The following SNX7 variants were observed in gnomAD, a reference collection of about 807,000 sequenced individuals.
SNX7 encodes the protein sorting nexin-7.
Under a neutral mutation model 48.4 loss-of-function variants are expected in SNX7, and 35 were observed. The ratio of observed to expected loss-of-function variants is 0.72; its 90% CI spans 0.55 to 0.96. The LOEUF (loss-of-function observed/expected upper bound fraction) is 0.96. SNX7 is among the 40% of genes least tolerant of loss of function. SNX7 has a pLI of 0.00. For missense variants in SNX7, 553 were observed against 548.9 expected (o/e 1.01, Z -0.07); for synonymous variants, 190 against 190.2 (o/e 1.00, Z 0.01).
rs1195523657 is a variant in SNX7 at position 98,701,885 on chromosome 1, A to G, written c.1107A>G (p.Lys369=). 6.2e-7 allele frequency: 1 copy of G among 1,610,688 alleles called. No individual in the cohort carries two copies. Among genetic ancestry groups the G allele is most frequent in the East Asian group, 2.2e-5 (1 of 44,642 alleles). Residue 369 remains lysine, a synonymous_variant, in exon 7 of 9, where the codon AAA becomes AAG. Coordinates refer to ENST00000306121, the MANE Select transcript of SNX7 (RefSeq NM_015976.5). ...LDSKVEVLTY[K]KADTDLLPEE... is the part of the protein sequence containing the mutation. ...CCAAAGTTGAAGTTTTGACCTATAA[A>G]AAGGCAGATACTGATCTGGTAAGTT...
In SNX7 at chr1:98,711,238, G is replaced by A. The variant is rs114446936; in HGVS notation, c.1125+9335G>A. ...CGCCATGTTGGCCGGGCTGGATCTC[G>A]AACTCCTGACCTCAAGTGATCCGCC... is the stretch of plus-strand genomic sequence containing the variant. On this transcript the variant is annotated intron_variant, in intron 7 of 8. Transcript: ENST00000306121. Among the ~76,000 whole-genome samples, 555 of 152,140 alleles carry A rather than the reference G, an allele frequency of 3.6e-3. 5 individuals carry two copies. Among genetic ancestry groups the A allele is most frequent in the African/African-American group, 0.012 (518 of 41,512 alleles).
chr1:98,737,672 G>A (rs1653855754), intron 7 of SNX7, among the ~76,000 whole-genome samples: 1 of 152,116 alleles, frequency 6.6e-6, no homozygotes, highest in Admixed American at 6.6e-5. Context: ...TCTAGGATTT[G>A]GGCATCTTGA....
chr1:98,701,786 G>A (rs1466507556), intron 6 of SNX7, 31 bp from the exon 7 acceptor site: 4 of 1,445,454 alleles, frequency 2.8e-6, no homozygotes, highest in Non-Finnish European at 2.9e-6. Flanking sequence ...ACTAAGTACA[G>A]CCTATTTTAT....
intron 7 of SNX7, among the ~76,000 whole-genome samples, chr1:98,703,095 A>G (rs913267253): frequency 4.6e-5 from 7 of 151,902 alleles, no homozygotes; most frequent in Non-Finnish European, 7.4e-5. Context: ...GAAACTCCTT[A>G]AGGGCAGATT....
intron 7 of SNX7, among the ~76,000 whole-genome samples, chr1:98,712,119 C>T (rs12048589): frequency 0.29 from 43,828 of 152,006 alleles, 6,845 homozygotes; most frequent in Non-Finnish European, 0.34. Flanking sequence ...GTTACTTCCT[C>T]CACTGAAGTC....
At chr1:98,740,908 A>G (rs1045993652) in intron 8 of SNX7, among the ~76,000 whole-genome samples, 3 of 152,126 alleles carry the variant, frequency 2.0e-5, no homozygotes, top group Admixed American at 6.5e-5. Context: ...TATAGCTCCA[A>G]TTGTTTGTTG....
intron 1 of SNX7, among the ~76,000 whole-genome samples, chr1:98,673,306 C>T (rs1341055486): frequency 2.0e-5 from 3 of 152,078 alleles, no homozygotes; most frequent in Admixed American, 1.3e-4. Context: ...TTGGTTGGTC[C>T]GACTGGAATC....
At chr1:98,678,738 C>A (rs1400987137) in intron 1 of SNX7, among the ~76,000 whole-genome samples, 1 of 152,088 alleles carries the variant, frequency 6.6e-6, no homozygotes, top group African/African-American at 2.4e-5. Context: ...TGAATTATAT[C>A]CACTGAATAA....
intron 1 of SNX7, among the ~76,000 whole-genome samples, chr1:98,664,340 C>T (rs1649425132): frequency 6.6e-6 from 1 of 152,090 alleles, no homozygotes; most frequent in Admixed American, 6.6e-5. Flanking sequence ...CCAGCCTGGC[C>T]AACATAGTGA....
chr1:98,723,349 G>T (rs11166083), intron 7 of SNX7, among the ~76,000 whole-genome samples: 83,623 of 151,306 alleles, frequency 0.55, 24,106 homozygotes, highest in Non-Finnish European at 0.64. Flanking sequence ...GTTTTAAACG[G>T]TTTTTTTTCC....
intron 2 of SNX7, among the ~76,000 whole-genome samples, chr1:98,686,454 G>A (rs1444568848): frequency 1.3e-5 from 2 of 152,110 alleles, no homozygotes; most frequent in African/African-American, 4.8e-5. Flanking sequence ...CCATCTACCT[G>A]TATGTGAATA....
At chr1:98,730,111 A>C (rs1339156924) in intron 7 of SNX7, among the ~76,000 whole-genome samples, 1 of 152,220 alleles carries the variant, frequency 6.6e-6, no homozygotes, top group Admixed American at 6.5e-5. Flanking sequence ...CAACATATGC[A>C]AATCAATAAA....
chr1:98,722,678 T>TA (rs199542965), intron 7 of SNX7, among the ~76,000 whole-genome samples: 1 of 152,094 alleles, frequency 6.6e-6, no homozygotes, highest in Non-Finnish European at 1.5e-5. Context: ...ATAAGCCATT[T>TA]AAAAAGGAAA....
intron 8 of SNX7, among the ~76,000 whole-genome samples, chr1:98,745,375 G>C (rs1654262578): frequency 6.6e-6 from 1 of 151,948 alleles, no homozygotes; most frequent in African/African-American, 2.4e-5. Context: ...ATCCAGGACA[G>C]GGAATTTTGA....
intron 1 of SNX7, among the ~76,000 whole-genome samples, chr1:98,667,344 A>G (rs1054464349): frequency 7.2e-5 from 11 of 152,262 alleles, no homozygotes; most frequent in African/African-American, 2.6e-4. Context: ...AAATACCATT[A>G]AGATATAAGC....
chr1:98,662,694 C>A (rs1439152587), intron 1 of SNX7: 1 of 1,289,214 alleles, frequency 7.8e-7, no homozygotes, highest in Admixed American at 2.3e-5. Context: ...ACCTTTCTTG[C>A]AGGGAGGTTG....
At chr1:98,720,044 C>T (rs1266120583) in intron 7 of SNX7, among the ~76,000 whole-genome samples, 1 of 151,486 alleles carries the variant, frequency 6.6e-6, no homozygotes. Context: ...ATACTTAATT[C>T]GTTTTCATAT....
intron 1 of SNX7, among the ~76,000 whole-genome samples, chr1:98,682,300 T>A (rs2100934981): frequency 6.6e-6 from 1 of 152,258 alleles, no homozygotes; most frequent in Non-Finnish European, 1.5e-5. Flanking sequence ...TATGGGCTGT[T>A]CTCTAGGTTT....
chr1:98,691,937 A>ACTCTCTCTCTCTCT (rs59743636), intron 4 of SNX7, among the ~76,000 whole-genome samples: 8 of 131,066 alleles, frequency 6.1e-5, no homozygotes, highest in African/African-American at 2.2e-4. Context: ...ACACACACAC[A>ACTCTCTCTCTCTCT]CTCTCTCTCT....
Sources: allele counts gnomAD v4.1 joint callset (sites outside exome capture counted in the v4.1 genomes callset), GRCh38; gene constraint gnomAD v4.1.1; transcripts MANE v1.5; gene names NCBI Gene and HGNC (gene_info 2026-07-23, HGNC 2026-07-21).